The following SMAP2 variants were observed in gnomAD, a reference collection of about 807,000 sequenced individuals.
The protein encoded by SMAP2 is small ArfGAP2, also known as stromal membrane-associated protein 2.
Under a neutral mutation model 56.4 loss-of-function variants are expected in SMAP2, and 25 were observed. The observed-to-expected ratio is 0.44, with a 90% CI of 0.32 to 0.62. SMAP2 has a LOEUF of 0.62. SMAP2 is among the 20% of genes least tolerant of loss of function. The pLI is 0.04. For missense variants in SMAP2, 388 were observed against 545.6 expected (o/e 0.71, Z 2.88); for synonymous variants, 157 against 181.7 (o/e 0.86, Z 1.09).
intron 1 of SMAP2, among the ~76,000 whole-genome samples, chr1:40,391,952 G>A (rs887060320): frequency 3.3e-5 from 5 of 152,122 alleles, no homozygotes; most frequent in Admixed American, 3.3e-4. Context: ...CTGAAGTGAG[G>A]TCACTAGGAA....
intron 1 of SMAP2, among the ~76,000 whole-genome samples, chr1:40,350,189 A>G (rs963856152): frequency 2.0e-5 from 3 of 152,208 alleles, no homozygotes; most frequent in Admixed American, 1.3e-4. Flanking sequence ...GCCAGAGACT[A>G]GGCCAGGTGA....
chr1:40,369,773 A>G (rs1318851614), upstream of SMAP2, among the ~76,000 whole-genome samples: 1 of 141,240 alleles, frequency 7.1e-6, no homozygotes, highest in Non-Finnish European at 1.5e-5. Context: ...CCTAGGCATT[A>G]CCATTCAGAA....
intron 1 of SMAP2, among the ~76,000 whole-genome samples, chr1:40,401,235 C>A (rs1644831352): frequency 6.6e-6 from 1 of 152,178 alleles, no homozygotes; most frequent in Non-Finnish European, 1.5e-5. Flanking sequence ...TGCACTCCAG[C>A]CTGGGTGACA....
chr1:40,417,228 C>CT (rs34036744), intron 9 of SMAP2, 132 bp downstream of exon 9: 41,460 of 426,172 alleles, frequency 0.097, 859 homozygotes, highest in East Asian at 0.16. Context: ...GTTAGGTTTG[C>CT]TTTTTTTTTT....
intron 1 of SMAP2, among the ~76,000 whole-genome samples, chr1:40,360,552 C>T (rs1398386955): frequency 6.6e-6 from 1 of 152,192 alleles, no homozygotes; most frequent in African/African-American, 2.4e-5. Context: ...ATCCACCTGC[C>T]TCGGCCTCCC....
Position 40,374,520 on chromosome 1 carries a change from C to A in SMAP2, c.103+297C>A. 1.2e-6 allele frequency: 1 copy of A among 844,672 alleles called. No individual in the cohort carries two copies. Among genetic ancestry groups the A allele is most frequent in the Non-Finnish European group, 1.9e-6 (1 of 523,110 alleles). The allele number at this position is 844,672 out of a possible 1,614,324, so 52.3% of individuals were successfully genotyped here. ...TTGAGGGCTCTGAATGAGTTCTGGGCCGGCTGTCCAGAGAGAGCTCCCAGC... is the reference window on the plus strand; with the variant it reads ...TTGAGGGCTCTGAATGAGTTCTGGGACGGCTGTCCAGAGAGAGCTCCCAGC... On this transcript the variant is annotated intron_variant, in intron 1 of 9. Coordinates refer to ENST00000372718, the MANE Select transcript of SMAP2 (RefSeq NM_022733.3). This position sits in a 1 kb window ranked among gnomAD's most constrained non-coding sequence, Gnocchi z 5.9.
chr1:40,389,306 ATTAT>A (rs1164514560), intron 1 of SMAP2, among the ~76,000 whole-genome samples: 1 of 3,002 alleles, frequency 3.3e-4, no homozygotes, highest in African/African-American at 1.8e-3. Context: ...CTACTGCATT[ATTAT>A]TTTTTTTTTG....
At chr1:40,362,599 C>G (rs1396741602) in intron 2 of SMAP2, among the ~76,000 whole-genome samples, 1 of 152,110 alleles carries the variant, frequency 6.6e-6, no homozygotes, top group Non-Finnish European at 1.5e-5. Flanking sequence ...TATTCTCATT[C>G]CTGATTCTTT....
intron 1 of SMAP2, among the ~76,000 whole-genome samples, chr1:40,383,140 C>G (rs1002556075): frequency 6.6e-6 from 1 of 152,160 alleles, no homozygotes; most frequent in Non-Finnish European, 1.5e-5. Flanking sequence ...GCTGGTGAGG[C>G]ACCCATTCGA....
At chr1:40,398,709 GC>G (rs1409388166) in intron 1 of SMAP2, among the ~76,000 whole-genome samples, 4 of 152,040 alleles carry the variant, frequency 2.6e-5, no homozygotes, top group African/African-American at 9.7e-5. Context: ...TCAATATGTT[GC>G]CCAGGCTGGC....
intron 1 of SMAP2, among the ~76,000 whole-genome samples, chr1:40,356,957 T>C (rs868484890): frequency 1.3e-5 from 2 of 152,342 alleles, no homozygotes; most frequent in Middle Eastern, 6.8e-3. Flanking sequence ...GACCTTTGTG[T>C]GTCTTCTTTG....
At chr1:40,358,940 T>C (rs893936043) in intron 1 of SMAP2, among the ~76,000 whole-genome samples, 10 of 152,338 alleles carry the variant, frequency 6.6e-5, no homozygotes, top group East Asian at 1.9e-4. Flanking sequence ...TCTTGCTGAA[T>C]TGATTCCTTT....
At chr1:40,351,351 A>C (rs945460567) in intron 1 of SMAP2, among the ~76,000 whole-genome samples, 3 of 152,212 alleles carry the variant, frequency 2.0e-5, no homozygotes, top group Admixed American at 2.0e-4. Context: ...CGCTGTGGAC[A>C]AGAAGATAGA....
At chr1:40,356,411 TTTTG>T (rs1644436387) in intron 1 of SMAP2, among the ~76,000 whole-genome samples, 1 of 149,006 alleles carries the variant, frequency 6.7e-6, no homozygotes, top group Non-Finnish European at 1.5e-5. Context: ...TTTTGTTTTT[TTTTG>T]TTTTTTTTTT....
rs1645052108 is a variant in SMAP2 at position 40,422,394 on chromosome 1, C to T, written c.*293C>T. On this transcript the variant is annotated 3_prime_UTR_variant, in exon 10 of 10. Coordinates refer to ENST00000372718, the MANE Select transcript of SMAP2 (RefSeq NM_022733.3). The stretch of plus-strand genomic sequence containing the variant: ...GCACTTAAACTGTGGGAGAAGTGTG[C>T]ACACCTTTGAGTCCCTTCCCTCAAG... 2 of 364,350 alleles carry T rather than the reference C, an allele frequency of 5.5e-6. No homozygotes were observed. The highest frequency in any genetic ancestry group is 1.1e-5 in the Non-Finnish European group (2 of 189,108). The allele number at this position is 364,350 out of a possible 1,614,324, so 22.6% of individuals were successfully genotyped here.
chr1:40,410,846 T>C (rs1021601599), intron 4 of SMAP2, among the ~76,000 whole-genome samples: 2 of 152,226 alleles, frequency 1.3e-5, no homozygotes, highest in African/African-American at 4.8e-5. Flanking sequence ...AAATAACCTT[T>C]GACAAGATTC....
intron 1 of SMAP2, among the ~76,000 whole-genome samples, chr1:40,398,300 C>T (rs146803071): frequency 0.01 from 1,529 of 146,638 alleles, 13 homozygotes; most frequent in Non-Finnish European, 0.014. Context: ...GCAATCATAG[C>T]TCATTGCAGC....
intron 4 of SMAP2, among the ~76,000 whole-genome samples, chr1:40,410,223 G>A (rs1391617833): frequency 6.6e-6 from 1 of 152,036 alleles, no homozygotes; most frequent in Non-Finnish European, 1.5e-5. Flanking sequence ...TCCAGTCTAG[G>A]CAACGGAGTT....
Position 40,358,672 on chromosome 1 carries a change from T to C in SMAP2, c.-82-3628T>C, listed in dbSNP as rs568768969. Among the ~76,000 whole-genome samples the C allele has an allele frequency of 2.4e-3, 359 of 152,320 alleles. 1 individual carries two copies. The highest frequency in any genetic ancestry group is 8.3e-3 in the African/African-American group (346 of 41,580). On this transcript the variant is annotated intron_variant, in intron 1 of 6. Transcript: ENST00000435168. ...ATACTCTATCCTTGAGAATGATCCA[T>C]GTGCTGAGGAGAAGAATATGTATTC...
Sources: gnomAD v4.1 joint callset for allele counts (sites outside exome capture counted in the v4.1 genomes callset) on GRCh38, gnomAD v4.1.1 for gene constraint, Gnocchi (gnomAD v3.1) non-coding constraint, MANE v1.5 for transcripts, NCBI Gene and HGNC (gene_info 2026-07-23, HGNC 2026-07-21) for gene names.